Variants in ADCYAP1R1 observed in about 807,000 individuals in gnomAD.
ADCYAP1R1 encodes pituitary adenylate cyclase-activating polypeptide type I receptor.
In ADCYAP1R1, 44 loss-of-function variants were observed where a neutral mutation model predicts 67.6. That is an observed-to-expected ratio of 0.65 (90% CI 0.51 to 0.84). The LOEUF (loss-of-function observed/expected upper bound fraction) is 0.84. Among genes scored for constraint, ADCYAP1R1 ranks in the 40% least tolerant of loss-of-function variants. ADCYAP1R1 has a pLI of 0.00. For missense variants in ADCYAP1R1, 477 were observed against 587.9 expected (o/e 0.81, Z 1.95); for synonymous variants, 222 against 219.6 (o/e 1.01, Z -0.10).
intron 3 of ADCYAP1R1, 84 bp downstream of exon 3, chr7:31,065,020 T>A: frequency 1.9e-6 from 2 of 1,045,006 alleles, no homozygotes; most frequent in Non-Finnish European, 2.8e-6. Context: ...GGCCAGTGAG[T>A]GGTCAAGGTA....
rs754661889 is a variant in ADCYAP1R1, at chr7:31,084,188, C to T, written c.376C>T (p.Pro126Ser). The change falls in exon 7 of 16, where the codon CCC becomes TCC. Residue 126 changes from proline (P) to serine (S), a missense_variant. Physicochemically the swap from Pro to Ser is moderately conservative, Grantham distance 74 (BLOSUM62 -1). Transcript: ENST00000304166. Reference sequence around the variant, plus strand: ...CTGCACGGAGGATGGCTGGTCGGAACCCTTCCCTCATTACTTTGATGCCTG... The same window carrying T: ...CTGCACGGAGGATGGCTGGTCGGAATCCTTCCCTCATTACTTTGATGCCTG... ...RNCTEDGWSEPFPHYFDACGF... is the reference protein window; with the variant it reads ...RNCTEDGWSESFPHYFDACGF... The T allele has an allele frequency of 1.2e-6, 2 of 1,614,106 alleles. No homozygotes were observed. Among genetic ancestry groups the T allele is most frequent in the Non-Finnish European group, 1.7e-6 (2 of 1,180,020 alleles).
rs925870556 is a variant in ADCYAP1R1 at position 31,077,886 on chromosome 7, CTG to C, written c.158-102_158-101del. ...GCATGTATGTTGCTGTGTGTGGTGT[CTG>C]TGGTGTGTGTGGTGTGTATGTTGGT... On this transcript the variant is annotated intron_variant, in intron 3 of 15. Transcript: ENST00000304166. 83 of 628,476 alleles carry C rather than the reference CTG, an allele frequency of 1.3e-4. No homozygotes were observed. The African/African-American group carries it at 1.6e-3, about 12-fold the overall frequency. 38.9% of individuals were successfully genotyped at this position (628,476 alleles called of 1,614,324 possible).
At chr7:31,072,250 C>T (rs1795022977) in intron 3 of ADCYAP1R1, among the ~76,000 whole-genome samples, 2 of 152,118 alleles carry the variant, frequency 1.3e-5, no homozygotes, top group Non-Finnish European at 2.9e-5. Flanking sequence ...TTCAGGGATC[C>T]AGGTTTCTAC....
intron 3 of ADCYAP1R1, among the ~76,000 whole-genome samples, chr7:31,070,098 A>G (rs911368773): frequency 5.9e-5 from 9 of 152,310 alleles, no homozygotes; most frequent in Admixed American, 6.5e-5. Flanking sequence ...TATATCAGAC[A>G]GGGAGTGCCC....
chr7:31,074,422 C>T lies in ADCYAP1R1; in HGVS notation c.158-3569C>T, dbSNP rs140623230. On this transcript the variant is annotated intron_variant, in intron 3 of 15. Coordinates refer to ENST00000304166, the MANE Select transcript of ADCYAP1R1 (RefSeq NM_001118.5). ...GTTGTTAGGAGAATGCATCCCCTGT[C>T]CTGCTGCCAACATGAGAGCCCCCTT... Among the ~76,000 whole-genome samples the T allele has an allele frequency of 5.5e-3, 835 of 152,282 alleles. 9 individuals are homozygous for T. Among genetic ancestry groups the T allele is most frequent in the African/African-American group, 0.017 (716 of 41,544 alleles).
rs1562650925 is a variant in ADCYAP1R1 at position 31,092,714 on chromosome 7, G to C, written c.1025G>C (p.Gly342Ala). 6.2e-7 allele frequency: 1 copy of C among 1,612,934 alleles called. No individual in the cohort carries two copies. Among genetic ancestry groups the C allele is most frequent in the East Asian group, 2.2e-5 (1 of 44,874 alleles). The change falls in exon 13 of 16, where the codon GGC becomes GCC. Residue 342 changes from glycine to alanine, a missense_variant. By Grantham distance (60) the Gly-to-Ala change is moderately conservative. Coordinates refer to ENST00000304166, the MANE Select transcript of ADCYAP1R1 (RefSeq NM_001118.5). ...VQKLQSPDMGGNESSIYLRLA... is the reference protein window; with the variant it reads ...VQKLQSPDMGANESSIYLRLA... Reference sequence around the variant, plus strand: ...AAACTTCAGTCTCCAGACATGGGAGGCAATGAGTCCAGCATCTACTTGTAA... The same window carrying C: ...AAACTTCAGTCTCCAGACATGGGAGCCAATGAGTCCAGCATCTACTTGTAA...
At chr7:31,095,597 A>T in intron 13 of ADCYAP1R1, 1 of 715,402 alleles carries the variant, frequency 1.4e-6, no homozygotes, top group Middle Eastern at 2.3e-4. Context: ...TACCAGAGTT[A>T]TGTGTGGGGC....
chr7:31,063,405 A>G lies in ADCYAP1R1; in HGVS notation c.51+90A>G, dbSNP rs1003342313. 19 of 1,457,546 alleles carry G rather than the reference A, an allele frequency of 1.3e-5. No individual in the cohort carries two copies. The Admixed American group carries it at 2.1e-4, about 16-fold the overall frequency. The allele number at this position is 1,457,546 out of a possible 1,614,324, so 90.3% of individuals were successfully genotyped here. On this transcript the variant is annotated intron_variant, in intron 2 of 15. Coordinates refer to ENST00000304166, the MANE Select transcript of ADCYAP1R1 (RefSeq NM_001118.5). ...CATGTTTTTTCTGTACCCTCAGCTC[A>G]GCTCTTCATCTGGCTGGTATTTCTG...
intron 6 of ADCYAP1R1, among the ~76,000 whole-genome samples, chr7:31,082,272 G>A (rs941504339): frequency 7.2e-5 from 11 of 152,160 alleles, no homozygotes; most frequent in African/African-American, 1.9e-4. Flanking sequence ...TTACTGGGGC[G>A]AATCAGCCTA....
At chr7:31,095,550 G>C in intron 13 of ADCYAP1R1, 1 of 701,556 alleles carries the variant, frequency 1.4e-6, no homozygotes, top group East Asian at 2.7e-5. Flanking sequence ...AATGGGGGGA[G>C]AGGGAGATTC....
At chr7:31,070,914 G>A (rs2128620929) in intron 3 of ADCYAP1R1, among the ~76,000 whole-genome samples, 1 of 152,290 alleles carries the variant, frequency 6.6e-6, no homozygotes, top group East Asian at 1.9e-4. Context: ...CAAAGGCGAG[G>A]GCGGCATCTT....
Position 31,059,041 on chromosome 7 carries a change from C to T in ADCYAP1R1, c.-71-4153C>T, listed in dbSNP as rs573615494. The stretch of plus-strand genomic sequence containing the variant: ...ATACTAAGTATTTAATAAATGTTAG[C>T]CATTAGTAAATAAAAGCACAGGAGG... On this transcript the variant is annotated intron_variant, in intron 1 of 15. Transcript: ENST00000304166. Among the ~76,000 whole-genome samples, 7 of 152,166 alleles carry T rather than the reference C, an allele frequency of 4.6e-5. No individual in the cohort carries two copies. The South Asian group carries it at 1.5e-3, about 32-fold the overall frequency.
chr7:31,085,594 G>T, intron 9 of ADCYAP1R1, 152 bp downstream of exon 9: 1 of 878,332 alleles, frequency 1.1e-6, no homozygotes, highest in Non-Finnish European at 1.7e-6. Flanking sequence ...CGGTTTATGT[G>T]AAAACTCACG....
At chr7:31,069,188 G>A (rs1452714990) in intron 3 of ADCYAP1R1, among the ~76,000 whole-genome samples, 1 of 152,214 alleles carries the variant, frequency 6.6e-6, no homozygotes, top group Non-Finnish European at 1.5e-5. Flanking sequence ...ATCTCAGGCA[G>A]AGAGCAGCCC....
chr7:31,103,583 C>G (rs370859364), intron 14 of ADCYAP1R1, among the ~76,000 whole-genome samples: 2 of 152,114 alleles, frequency 1.3e-5, no homozygotes, highest in African/African-American at 4.8e-5. Flanking sequence ...AGCCAGCTGC[C>G]CCCACTCCTG....
Position 31,110,015 on chromosome 7 carries a change from G to A in ADCYAP1R1, c.*3331G>A, listed in dbSNP as rs1022544630. On this transcript the variant is annotated 3_prime_UTR_variant, in exon 16 of 16. Transcript: ENST00000304166. The stretch of plus-strand genomic sequence containing the variant: ...TGTGGAAGAAGGACAGGGAGCTAGA[G>A]CCAAGCCCTAGGCTTGAGAGACACC... The A allele has an allele frequency of 9.9e-5, 15 of 152,128 alleles. No homozygotes were observed. Among genetic ancestry groups the A allele is most frequent in the African/African-American group, 3.6e-4 (15 of 41,476 alleles). 9.4% of individuals were successfully genotyped at this position (152,128 alleles called of 1,614,324 possible). A position where few individuals can be genotyped will look rare whatever the true frequency, so the allele number is the denominator to read the frequency against.
In ADCYAP1R1 at chr7:31,109,016, C is replaced by T. The variant is rs1796753685; in HGVS notation, c.*2332C>T. 6.6e-6 allele frequency: 1 copy of T among 152,156 alleles called. No homozygotes were observed. The highest frequency in any genetic ancestry group is 1.5e-5 in the Non-Finnish European group (1 of 68,048). 9.4% of individuals were successfully genotyped at this position (152,156 alleles called of 1,614,324 possible). A position where few individuals can be genotyped will look rare whatever the true frequency, so the allele number is the denominator to read the frequency against. On this transcript the variant is annotated 3_prime_UTR_variant, in exon 16 of 16. Transcript: ENST00000304166. ...AAGGAGCAGCCCCCTGGGGATGGAC[C>T]CCATTCATTCATCATGACTCCCAAC...
In ADCYAP1R1 at chr7:31,103,273, A is replaced by G. The variant is rs1160650338; in HGVS notation, c.1083A>G (p.Leu361=). ...GGTCCACCCTGCTGCTCATCCCACT[A>G]TTCGGAATCCACTACACAGTATTTG... ...LARSTLLLIP[L]FGIHYTVFAF... is the part of the protein sequence containing the mutation. The change falls in exon 14 of 16, where the codon CTA becomes CTG. Residue 361 remains leucine (L), a synonymous_variant. Coordinates refer to ENST00000304166, the MANE Select transcript of ADCYAP1R1 (RefSeq NM_001118.5). The G allele has an allele frequency of 3.7e-6, 6 of 1,613,956 alleles. No individual in the cohort carries two copies. The highest frequency in any genetic ancestry group is 5.1e-6 in the Non-Finnish European group (6 of 1,180,010).
Position 31,081,707 on chromosome 7 carries a change from T to A in ADCYAP1R1, c.287-6T>A. The A allele has an allele frequency of 6.3e-7, 1 of 1,597,374 alleles. No individual in the cohort carries two copies. The highest frequency in any genetic ancestry group is 8.5e-7 in the Non-Finnish European group (1 of 1,172,014). On this transcript the variant is annotated splice_polypyrimidine_tract_variant and splice_region_variant and intron_variant, in intron 5 of 15. Coordinates refer to ENST00000304166, the MANE Select transcript of ADCYAP1R1 (RefSeq NM_001118.5). ...TTTGATATATGCCTATGTCTGTATT[T>A]TTCAGGAGAGTCTGATTTTGGTGAC...
Sources: gnomAD v4.1 joint callset for allele counts (sites outside exome capture counted in the v4.1 genomes callset) on GRCh38, gnomAD v4.1.1 for gene constraint, MANE v1.5 for transcripts, NCBI Gene and HGNC (gene_info 2026-07-23, HGNC 2026-07-21) for gene names.